SNAPC1: variants seen among roughly 807,000 people sequenced by gnomAD.
The protein encoded by SNAPC1 is snRNA-activating protein complex subunit 1.
A neutral mutation model predicts 50.1 loss-of-function variants in SNAPC1; 42 were observed. The ratio of observed to expected loss-of-function variants is 0.84; its 90% CI spans 0.65 to 1.08. The LOEUF is 1.08. SNAPC1 is among the 50% of genes least tolerant of loss of function. SNAPC1 has a pLI of 0.00. For synonymous variants in SNAPC1, 164 were observed against 144.2 expected, an observed-to-expected ratio of 1.14 and a Z score of -0.98; for missense variants, 477 against 427.3, an observed-to-expected ratio of 1.12 and a Z score of -1.02.
At chr14:61,794,867 A>T in intron 9 of SNAPC1, 82 bp from the exon 10 acceptor site, 7 of 898,444 alleles carry the variant, frequency 7.8e-6, no homozygotes. Context: ...ATTAGGTATT[A>T]TCATGTAAGT....
At chr14:61,770,234 CTT>C (rs72091048) in intron 4 of SNAPC1, among the ~76,000 whole-genome samples, 8 of 133,890 alleles carry the variant, frequency 6.0e-5, no homozygotes, top group Non-Finnish European at 9.6e-5. Context: ...CCCCCATGTT[CTT>C]TTTTTTTTTT....
chr14:61,783,415 A>T (rs78522115), intron 8 of SNAPC1, among the ~76,000 whole-genome samples: 4,076 of 151,032 alleles, frequency 0.027, 125 homozygotes, highest in African/African-American at 0.065. Flanking sequence ...TCTATAAACC[A>T]TGTTTCTTTT....
At chr14:61,779,250 A>G (rs1293431785) in intron 7 of SNAPC1, among the ~76,000 whole-genome samples, 1 of 152,208 alleles carries the variant, frequency 6.6e-6, no homozygotes, top group Non-Finnish European at 1.5e-5. Flanking sequence ...CATTTAATAC[A>G]TATAATGTAA....
At chr14:61,781,744 G>A (rs1026906892) in intron 7 of SNAPC1, among the ~76,000 whole-genome samples, 5 of 152,130 alleles carry the variant, frequency 3.3e-5, no homozygotes, top group Admixed American at 2.0e-4. Flanking sequence ...TTAATAGTTA[G>A]ACAATTCCAA....
chr14:61,768,789 C>A, intron 4 of SNAPC1, 49 bp downstream of exon 4: 3 of 951,480 alleles, frequency 3.2e-6, no homozygotes, highest in Non-Finnish European at 5.1e-6. Flanking sequence ...TGTTTTATTG[C>A]CAACTACATA....
chr14:61,769,844 A>G (rs996874882), intron 4 of SNAPC1, among the ~76,000 whole-genome samples: 1 of 152,214 alleles, frequency 6.6e-6, no homozygotes, highest in African/African-American at 2.4e-5. Flanking sequence ...CTTTTTAAGC[A>G]TGAGTAGAAA....
intron 4 of SNAPC1, among the ~76,000 whole-genome samples, chr14:61,775,765 T>C (rs1269619345): frequency 6.6e-6 from 1 of 152,208 alleles, no homozygotes; most frequent in Non-Finnish European, 1.5e-5. Context: ...TTTAATGATA[T>C]GTCATGCTAC....
intron 8 of SNAPC1, among the ~76,000 whole-genome samples, chr14:61,787,827 A>G (rs2045126049): frequency 1.3e-5 from 2 of 152,244 alleles, no homozygotes; most frequent in African/African-American, 4.8e-5. Context: ...TCACTTTAAC[A>G]TAAGTACCAA....
chr14:61,794,923 C>A, intron 9 of SNAPC1, 26 bp from the exon 10 acceptor site: 1 of 1,523,256 alleles, frequency 6.6e-7, no homozygotes, highest in Non-Finnish European at 9.0e-7. Context: ...TTAGATCTGA[C>A]TGACTTTTAA....
intron 1 of SNAPC1, among the ~76,000 whole-genome samples, chr14:61,763,483 C>T (rs1241694951): frequency 1.7e-5 from 2 of 119,200 alleles, no homozygotes; most frequent in Non-Finnish European, 3.4e-5. Context: ...GCTCCAGCAG[C>T]TGCTTTTTTT....
At position 61,767,208 on chromosome 14, in the gene SNAPC1, G is replaced by T; in HGVS notation, c.289-4G>T. ...GTACAACTTTTTTTTCTTCCTGGTT[G>T]CAGATCAGAGTTGCCCTGAAGGATT... On this transcript the variant is annotated splice_polypyrimidine_tract_variant and splice_region_variant and intron_variant, in intron 2 of 9. Coordinates refer to ENST00000216294, the MANE Select transcript of SNAPC1 (RefSeq NM_003082.4). 3.5e-6 allele frequency: 5 copies of T among 1,434,536 alleles called. No individual in the cohort carries two copies. The highest frequency in any genetic ancestry group is 4.6e-6 in the Non-Finnish European group (5 of 1,089,086). 88.9% of individuals were successfully genotyped at this position (1,434,536 alleles called of 1,614,324 possible). A position where few individuals can be genotyped will look rare whatever the true frequency, so the allele number is the denominator to read the frequency against.
intron 7 of SNAPC1, among the ~76,000 whole-genome samples, chr14:61,780,037 A>G (rs2045061041): frequency 6.6e-6 from 1 of 152,108 alleles, no homozygotes; most frequent in African/African-American, 2.4e-5. Flanking sequence ...AAAATGATTG[A>G]AGATCCTCAG....
At position 61,792,846 on chromosome 14, in the gene SNAPC1, G is replaced by T; in HGVS notation, c.1016G>T (p.Ser339Ile). The change falls in exon 9 of 10, where the codon AGT becomes ATT. Residue 339 changes from serine (S) to isoleucine (I), a missense_variant. Ser to Ile is a moderately radical substitution (Grantham distance 142, BLOSUM62 -2). Transcript: ENST00000216294. ...QNIHKEDKPL[S>I]LSMPVITEEE... The stretch of plus-strand genomic sequence containing the variant: ...ATACACAAGGAAGATAAACCTTTAA[G>T]TCTGAGTATGCCTGTAATTACAGAA... 1 of 1,602,896 alleles carries T rather than the reference G, an allele frequency of 6.2e-7. No individual in the cohort carries two copies. The highest frequency in any genetic ancestry group is 8.5e-7 in the Non-Finnish European group (1 of 1,172,684).
chr14:61,787,939 G>GA (rs1297271480), intron 8 of SNAPC1, among the ~76,000 whole-genome samples: 9 of 151,666 alleles, frequency 5.9e-5, no homozygotes, highest in South Asian at 4.2e-4. Context: ...TTGAAGACCT[G>GA]AAAAAAAAAT....
chr14:61,777,211 CAAGG>C (rs1357053810), intron 5 of SNAPC1, among the ~76,000 whole-genome samples: 1 of 135,646 alleles, frequency 7.4e-6, no homozygotes, highest in Non-Finnish European at 1.6e-5. Flanking sequence ...AAAAGATAAA[CAAGG>C]AAACTGATAA....
At position 61,762,498 on chromosome 14, in the gene SNAPC1, C is replaced by G; in HGVS notation, c.38C>G (p.Ala13Gly). The G allele has an allele frequency of 2.8e-6, 4 of 1,410,060 alleles. No homozygotes were observed. Among genetic ancestry groups the G allele is most frequent in the Non-Finnish European group, 3.7e-6 (4 of 1,073,730 alleles). The allele number at this position is 1,410,060 out of a possible 1,614,324, so 87.3% of individuals were successfully genotyped here. A position where few individuals can be genotyped will look rare whatever the true frequency, so the allele number is the denominator to read the frequency against. Residue 13 changes from alanine to glycine, a missense_variant, in exon 1 of 10, where the codon GCG (alanine) becomes GGG (glycine). Physicochemically the swap from Ala to Gly is moderately conservative, Grantham distance 60. Coordinates refer to ENST00000216294, the MANE Select transcript of SNAPC1 (RefSeq NM_003082.4). ...CCCGGCCTGCAGACCGACTGCGAGG[C>G]GCTGCTCAGCCGCTTCCAGGAGACG... ...TPPGLQTDCEALLSRFQETDS... is the reference protein window; with the variant it reads ...TPPGLQTDCEGLLSRFQETDS...
chr14:61,763,309 AG>A (rs1441801118), intron 1 of SNAPC1, among the ~76,000 whole-genome samples: 2 of 151,982 alleles, frequency 1.3e-5, no homozygotes, highest in South Asian at 4.2e-4. Context: ...GTTTTTCAAA[AG>A]TGCAAATTTG....
intron 1 of SNAPC1, among the ~76,000 whole-genome samples, chr14:61,763,430 C>T (rs891225414): frequency 2.0e-5 from 3 of 151,398 alleles, no homozygotes; most frequent in African/African-American, 7.3e-5. Context: ...TTGCCTATCT[C>T]TCCAGCTTCG....
chr14:61,776,815 C>G lies in SNAPC1; in HGVS notation c.693+562C>G, dbSNP rs896563847. 3.9e-5 allele frequency among the ~76,000 whole-genome samples: 6 copies of G among 152,148 alleles called. 1 individual carries two copies. In the South Asian group the frequency reaches 8.3e-4, roughly 21 times the overall value. ...GTTTCTCTGTTTACACATTGTCTACCTGGTATGGTTTATCTTTTTGCAAGT... is the reference window on the plus strand; with the variant it reads ...GTTTCTCTGTTTACACATTGTCTACGTGGTATGGTTTATCTTTTTGCAAGT... On this transcript the variant is annotated intron_variant, in intron 5 of 9. Coordinates refer to ENST00000216294, the MANE Select transcript of SNAPC1 (RefSeq NM_003082.4).
Sources: gnomAD v4.1 joint callset for allele counts (sites outside exome capture counted in the v4.1 genomes callset) on GRCh38, gnomAD v4.1.1 for gene constraint, MANE v1.5 for transcripts, NCBI Gene and HGNC (gene_info 2026-07-23, HGNC 2026-07-21) for gene names.